Variants in IFT74 observed in about 807,000 individuals in gnomAD.
IFT74 encodes intraflagellar transport 74.
In IFT74, 92 loss-of-function variants were observed where a neutral mutation model predicts 96.7. That is an observed-to-expected ratio of 0.95 (90% confidence interval 0.80 to 1.13). IFT74 has a LOEUF of 1.13. Among genes scored for constraint, IFT74 ranks in the 50% most tolerant of loss-of-function variants. IFT74 has a pLI of 0.00. For synonymous variants in IFT74, 223 were observed against 213.2 expected (o/e 1.05, Z -0.40); for missense variants, 811 against 698.2 (o/e 1.16, Z -1.82).
chr9:27,037,174 C>A (rs1046271636), intron 13 of IFT74, among the ~76,000 whole-genome samples: 3 of 139,798 alleles, frequency 2.1e-5, no homozygotes, highest in Admixed American at 1.6e-4. Flanking sequence ...GAGCCAAGAT[C>A]GTGCCATTGC....
intron 2 of IFT74, chr9:26,976,732 T>C (rs2131521286): frequency 2.2e-6 from 1 of 455,676 alleles, no homozygotes; most frequent in Non-Finnish European, 4.4e-6. Flanking sequence ...GAGCAGGCTA[T>C]TTGAAGAGAA....
At chr9:27,032,891 C>A (rs893535364) in intron 13 of IFT74, among the ~76,000 whole-genome samples, 2 of 151,730 alleles carry the variant, frequency 1.3e-5, no homozygotes, top group African/African-American at 2.4e-5. Context: ...AAAAAAAAGT[C>A]TTTTAAACTA....
chr9:27,047,161 A>C, intron 14 of IFT74, 113 bp from the exon 15 acceptor site: 1 of 591,124 alleles, frequency 1.7e-6, no homozygotes. Flanking sequence ...ACAGAGTGAG[A>C]CTCTGTCTCA....
intron 8 of IFT74, among the ~76,000 whole-genome samples, chr9:27,004,111 T>A (rs1017410043): frequency 1.3e-4 from 20 of 152,156 alleles, no homozygotes; most frequent in African/African-American, 4.6e-4. Flanking sequence ...AGTTAAAAGT[T>A]GATATGAAAT....
At chr9:27,001,476 C>T (rs1332641774) in intron 8 of IFT74, among the ~76,000 whole-genome samples, 1 of 152,080 alleles carries the variant, frequency 6.6e-6, no homozygotes, top group Non-Finnish European at 1.5e-5. Context: ...TCCGTTATTG[C>T]CTGTCATATT....
At chr9:26,999,554 T>C (rs949971425) in intron 8 of IFT74, 1 of 1,269,330 alleles carries the variant, frequency 7.9e-7, no homozygotes, top group African/African-American at 1.5e-5. Flanking sequence ...TATATTTTAC[T>C]AAATATACAG....
chr9:27,033,999 C>A (rs1830245939), intron 13 of IFT74, among the ~76,000 whole-genome samples: 1 of 152,058 alleles, frequency 6.6e-6, no homozygotes, highest in Non-Finnish European at 1.5e-5. Context: ...TGTAGTACCA[C>A]CGCGATCCAC....
intron 8 of IFT74, among the ~76,000 whole-genome samples, chr9:27,007,179 C>T (rs1011783312): frequency 1.3e-5 from 2 of 152,058 alleles, no homozygotes; most frequent in African/African-American, 4.8e-5. Context: ...GGTTTTACTG[C>T]CAAGTTATAA....
In IFT74 at chr9:27,056,365, C is replaced by T. The variant is rs758155349; in HGVS notation, c.1529C>T (p.Thr510Ile). 16 of 1,590,318 alleles carry T rather than the reference C, an allele frequency of 1.0e-5. No homozygotes were observed. Among genetic ancestry groups the T allele is most frequent in the Non-Finnish European group, 1.4e-5 (16 of 1,163,448 alleles). ...KLHQERMILS[T>I]HRNAFKKIME... ...CATCAGGAGAGAATGATATTATCAA[C>T]CCACAGAAATGCCTTTAAGAAAATA... The change falls in exon 18 of 20, where the codon ACC (threonine) becomes ATC (isoleucine). Residue 510 changes from threonine to isoleucine, a missense_variant. Thr to Ile is a moderately conservative substitution (Grantham distance 89). Coordinates refer to ENST00000380062, the MANE Select transcript of IFT74 (RefSeq NM_025103.4).
intron 7 of IFT74, among the ~76,000 whole-genome samples, chr9:26,989,058 G>A (rs1587295507): frequency 6.6e-6 from 1 of 152,144 alleles, no homozygotes; most frequent in South Asian, 2.1e-4. Flanking sequence ...CACAAATGTT[G>A]ATGAATACTC....
intron 4 of IFT74, among the ~76,000 whole-genome samples, chr9:26,981,103 G>A (rs1407289360): frequency 2.6e-5 from 4 of 152,066 alleles, no homozygotes; most frequent in African/African-American, 9.7e-5. Context: ...CTTTTCTAAG[G>A]CACTAATCCC....
chr9:26,951,791 C>T (rs1042538625), upstream of IFT74, among the ~76,000 whole-genome samples: 4 of 151,994 alleles, frequency 2.6e-5, no homozygotes, highest in Non-Finnish European at 5.9e-5. Flanking sequence ...CCCAGCTACT[C>T]GGGAGCCTGA....
At chr9:27,003,249 G>A (rs1828596654) in intron 8 of IFT74, among the ~76,000 whole-genome samples, 3 of 152,068 alleles carry the variant, frequency 2.0e-5, no homozygotes, top group Middle Eastern at 3.4e-3. Context: ...TCTGCCAGGT[G>A]CAGTGGCTCA....
In IFT74 at chr9:27,011,897, T is replaced by C. The variant is rs774488956; in HGVS notation, c.727-9T>C. On this transcript the variant is annotated splice_polypyrimidine_tract_variant and intron_variant, in intron 9 of 19. Transcript: ENST00000380062. ...TTGGATTTATGTTTGCTTTTTTTTTTCCACTTAGGAATTAGATACACTTCA... is the reference window on the plus strand; with the variant it reads ...TTGGATTTATGTTTGCTTTTTTTTTCCCACTTAGGAATTAGATACACTTCA... 6 of 1,530,074 alleles carry C rather than the reference T, an allele frequency of 3.9e-6. No individual in the cohort carries two copies. The highest frequency in any genetic ancestry group is 5.3e-6 in the Non-Finnish European group (6 of 1,139,018). 94.8% of individuals were successfully genotyped at this position (1,530,074 alleles called of 1,614,324 possible). A position where few individuals can be genotyped will look rare whatever the true frequency, so the allele number is the denominator to read the frequency against.
intron 3 of IFT74, among the ~76,000 whole-genome samples, chr9:26,979,622 A>G (rs1012309011): frequency 2.0e-5 from 3 of 151,484 alleles, no homozygotes; most frequent in Non-Finnish European, 4.4e-5. Context: ...CTTATAGTTA[A>G]TACACCTAGT....
intron 8 of IFT74, among the ~76,000 whole-genome samples, chr9:27,005,940 A>G (rs1828754094): frequency 6.6e-6 from 1 of 152,082 alleles, no homozygotes; most frequent in Non-Finnish European, 1.5e-5. Context: ...CCTGGGTTCA[A>G]GCAGTTCTCC....
At chr9:27,051,520 C>G (rs1819923370) in intron 16 of IFT74, among the ~76,000 whole-genome samples, 1 of 152,186 alleles carries the variant, frequency 6.6e-6, no homozygotes, top group Non-Finnish European at 1.5e-5. Context: ...TGCCACGAAT[C>G]TCTAGAACTT....
intron 2 of IFT74, among the ~76,000 whole-genome samples, chr9:26,975,441 A>G (rs1827074885): frequency 6.6e-6 from 1 of 152,176 alleles, no homozygotes. Flanking sequence ...GGGTTTGAGG[A>G]TGGGCCTTCA....
chr9:27,044,620 C>G, intron 13 of IFT74, 122 bp from the exon 14 acceptor site: 5 of 579,046 alleles, frequency 8.6e-6, no homozygotes, highest in Non-Finnish European at 1.2e-5. Flanking sequence ...AGAATTTCAC[C>G]TAATCGAACA....
Sources: allele counts gnomAD v4.1 joint callset (sites outside exome capture counted in the v4.1 genomes callset), GRCh38; gene constraint gnomAD v4.1.1; transcripts MANE v1.5; gene names NCBI Gene and HGNC (gene_info 2026-07-23, HGNC 2026-07-21).